KCNN2: variants seen among roughly 807,000 people sequenced by gnomAD.
The protein encoded by KCNN2 is small conductance calcium-activated potassium channel protein 2.
KCNN2 carries 24 observed loss-of-function variants against 55.5 expected under a neutral mutation model. The observed-to-expected ratio is 0.43, with a 90% CI of 0.31 to 0.61. The LOEUF is 0.61. Ranked by LOEUF, KCNN2 falls within the 20% of genes least tolerant of loss-of-function variation. The pLI is 0.08. For synonymous variants in KCNN2, 431 were observed against 336.1 expected (o/e 1.28, Z -3.09); for missense variants, 754 against 853.6 (o/e 0.88, Z 1.45).
chr5:114,240,093 C>T (rs1754587621), intron 2 of KCNN2, among the ~76,000 whole-genome samples: 1 of 151,970 alleles, frequency 6.6e-6, no homozygotes, highest in Admixed American at 6.6e-5. Flanking sequence ...GGATCATTTT[C>T]AAGTATGAAT....
At chr5:114,138,480 T>C (rs1307088816) in intron 1 of KCNN2, among the ~76,000 whole-genome samples, 1 of 152,158 alleles carries the variant, frequency 6.6e-6, no homozygotes, top group African/African-American at 2.4e-5. Context: ...CAAAGTTTCC[T>C]TAAGGTCGTA....
chr5:114,315,558 A>C (rs571897), intron 2 of KCNN2, among the ~76,000 whole-genome samples: 17,580 of 151,806 alleles, frequency 0.12, 1,163 homozygotes, highest in African/African-American at 0.17. Flanking sequence ...GTGGTTTTAA[A>C]ATAAATTTAC....
intron 1 of KCNN2, among the ~76,000 whole-genome samples, chr5:114,197,997 ATTG>A (rs941790739): frequency 1.3e-5 from 2 of 152,052 alleles, no homozygotes; most frequent in African/African-American, 2.4e-5. Context: ...TGTGAATTAA[ATTG>A]TTGTTTTGTT....
At chr5:114,345,745 C>T (rs764237624) in intron 2 of KCNN2, among the ~76,000 whole-genome samples, 5 of 152,098 alleles carry the variant, frequency 3.3e-5, no homozygotes, top group Non-Finnish European at 5.9e-5. Context: ...ATGGCAGTAG[C>T]ATCTGCTTGG....
At chr5:114,174,635 C>T (rs750259187) in intron 1 of KCNN2, among the ~76,000 whole-genome samples, 3 of 152,042 alleles carry the variant, frequency 2.0e-5, no homozygotes, top group African/African-American at 7.3e-5. Flanking sequence ...GCTGCGTTTG[C>T]TCAGGTGCAA....
chr5:114,083,869 G>T (rs1283972751), intron 1 of KCNN2, among the ~76,000 whole-genome samples: 1 of 151,950 alleles, frequency 6.6e-6, no homozygotes, highest in Non-Finnish European at 1.5e-5. Flanking sequence ...CAAACCTCTG[G>T]AAACCACTTA....
chr5:114,193,045 C>T (rs1446876856), intron 1 of KCNN2, among the ~76,000 whole-genome samples: 13 of 152,160 alleles, frequency 8.5e-5, no homozygotes, highest in Non-Finnish European at 1.8e-4. Context: ...AATAAAAATA[C>T]GTCCCTGAAA....
intron 1 of KCNN2, among the ~76,000 whole-genome samples, chr5:114,089,077 T>C (rs943077461): frequency 1.3e-5 from 2 of 150,350 alleles, no homozygotes; most frequent in East Asian, 4.0e-4. Flanking sequence ...CTGTTTTTAT[T>C]GACTGAAATT....
At chr5:114,350,548 C>G (rs902239228) in intron 2 of KCNN2, among the ~76,000 whole-genome samples, 1 of 151,898 alleles carries the variant, frequency 6.6e-6, no homozygotes, top group African/African-American at 2.4e-5. Flanking sequence ...GTCACAAGCT[C>G]ACAATGATTC....
At chr5:114,151,836 G>A (rs1352427445) in intron 1 of KCNN2, among the ~76,000 whole-genome samples, 1 of 152,124 alleles carries the variant, frequency 6.6e-6, no homozygotes, top group East Asian at 1.9e-4. Flanking sequence ...TATAGGGAAA[G>A]TGCTTTCTCT....
At chr5:114,457,890 G>A (rs1761002784) in intron 3 of KCNN2, among the ~76,000 whole-genome samples, 1 of 152,200 alleles carries the variant, frequency 6.6e-6, no homozygotes, top group Non-Finnish European at 1.5e-5. Flanking sequence ...TTTGTTGCTA[G>A]ATAACCAATG....
At chr5:114,082,960 G>C (rs903579795) in intron 1 of KCNN2, among the ~76,000 whole-genome samples, 1 of 152,126 alleles carries the variant, frequency 6.6e-6, no homozygotes, top group East Asian at 1.9e-4. Context: ...TTTACACCAT[G>C]AAGAGAAGTT....
intron 6 of KCNN2, among the ~76,000 whole-genome samples, chr5:114,490,952 G>C (rs1747818262): frequency 6.6e-6 from 1 of 152,140 alleles, no homozygotes; most frequent in Non-Finnish European, 1.5e-5. Flanking sequence ...TGCAGCTTAA[G>C]CAGGCTTTTT....
intron 2 of KCNN2, among the ~76,000 whole-genome samples, chr5:114,239,514 G>C (rs1580649643): frequency 1.3e-5 from 2 of 151,944 alleles, no homozygotes; most frequent in Non-Finnish European, 2.9e-5. Context: ...GGGCAAAGCA[G>C]ATTTAGGGAC....
intron 1 of KCNN2, among the ~76,000 whole-genome samples, chr5:114,161,817 G>A (rs867909799): frequency 3.9e-5 from 6 of 152,022 alleles, no homozygotes; most frequent in East Asian, 1.9e-4. Context: ...TTGTGCATTC[G>A]TCACGTGGTT....
At chr5:114,322,195 G>C (rs964540581) in intron 2 of KCNN2, among the ~76,000 whole-genome samples, 1 of 152,170 alleles carries the variant, frequency 6.6e-6, no homozygotes. Flanking sequence ...AGAATCTACT[G>C]TAGTAAGTTC....
chr5:114,123,955 C>G (rs914977284), intron 1 of KCNN2, among the ~76,000 whole-genome samples: 1 of 152,192 alleles, frequency 6.6e-6, no homozygotes, highest in Non-Finnish European at 1.5e-5. Context: ...TTGTCTGACC[C>G]TTACTGCCTT....
chr5:114,361,765 C>T (rs1026352452), upstream of KCNN2, among the ~76,000 whole-genome samples: 1 of 152,186 alleles, frequency 6.6e-6, no homozygotes, highest in Non-Finnish European at 1.5e-5. Context: ...CTCTTTTCTC[C>T]TCCCCCTGCA....
intron 1 of KCNN2, among the ~76,000 whole-genome samples, chr5:114,091,998 A>G (rs1221631925): frequency 6.6e-6 from 1 of 152,156 alleles, no homozygotes. Flanking sequence ...TCACATTTTA[A>G]AACCAATCAT....
Sources: allele counts gnomAD v4.1 joint callset (sites outside exome capture counted in the v4.1 genomes callset), GRCh38; gene constraint gnomAD v4.1.1; transcripts MANE v1.5; gene names NCBI Gene and HGNC (gene_info 2026-07-23, HGNC 2026-07-21).